Variants in RC3H2 observed in about 807,000 individuals in gnomAD.
RC3H2 encodes roquin-2.
In RC3H2, 31 loss-of-function variants were observed where a neutral mutation model predicts 133.3. The ratio of observed to expected loss-of-function variants is 0.23; its 90% CI spans 0.17 to 0.31. The LOEUF (loss-of-function observed/expected upper bound fraction) is 0.31. Among genes scored for constraint, RC3H2 ranks in the 10% least tolerant of loss-of-function variants. RC3H2 has a pLI of 1.00. For missense variants in RC3H2, 1,175 were observed against 1,437.2 expected (o/e 0.82, Z 2.95); for synonymous variants, 517 against 502.2 (o/e 1.03, Z -0.40).
chr9:122,859,152 C>A, intron 11 of RC3H2, 50 bp from the exon 12 acceptor site: 3 of 1,376,020 alleles, frequency 2.2e-6, no homozygotes, highest in East Asian at 5.7e-5. Flanking sequence ...TACAATCCAA[C>A]ATTTTATAAT....
At chr9:122,854,637 CAA>C in intron 15 of RC3H2, 22 bp from the exon 16 acceptor site, 2 of 1,546,552 alleles carry the variant, frequency 1.3e-6, no homozygotes. Flanking sequence ...TAGAATGAAA[CAA>C]TGGTCAAAAA....
chr9:122,870,403 AACAAACAAAC>A (rs772152294), intron 9 of RC3H2, among the ~76,000 whole-genome samples: 3 of 128,642 alleles, frequency 2.3e-5, no homozygotes, highest in Non-Finnish European at 4.9e-5. Context: ...CAAACAAACA[AACAAACAAAC>A]AAAAAAAAAA....
chr9:122,905,012 G>A, intron 1 of RC3H2, 98 bp downstream of exon 1: 2 of 858,620 alleles, frequency 2.3e-6, no homozygotes, highest in Non-Finnish European at 2.8e-6. Flanking sequence ...GGGCGACAGC[G>A]CACAGGCCCC....
At chr9:122,885,570 A>T (rs1435767641) in intron 4 of RC3H2, among the ~76,000 whole-genome samples, 1 of 152,238 alleles carries the variant, frequency 6.6e-6, no homozygotes, top group East Asian at 1.9e-4. Flanking sequence ...CTTTTGCACC[A>T]ATCTAATAGA....
intron 4 of RC3H2, among the ~76,000 whole-genome samples, chr9:122,887,883 A>AT (rs1234520712): frequency 6.6e-6 from 1 of 151,484 alleles, no homozygotes; most frequent in African/African-American, 2.4e-5. Context: ...AGCTGAGATT[A>AT]TAGGTGCCTG....
intron 18 of RC3H2, among the ~76,000 whole-genome samples, chr9:122,852,532 T>G (rs1462597906): frequency 8.9e-6 from 1 of 112,636 alleles, no homozygotes; most frequent in Non-Finnish European, 1.8e-5. Context: ...GGGAGGGAGG[T>G]GGGGGGGTCA....
chr9:122,902,236 T>C (rs951645993), intron 1 of RC3H2, among the ~76,000 whole-genome samples: 1 of 152,138 alleles, frequency 6.6e-6, no homozygotes, highest in African/African-American at 2.4e-5. Context: ...CAGCCAACTT[T>C]CTATTTTAAC....
intron 1 of RC3H2, among the ~76,000 whole-genome samples, chr9:122,904,602 A>G (rs949287413): frequency 2.6e-5 from 4 of 152,192 alleles, no homozygotes; most frequent in Non-Finnish European, 2.9e-5. Context: ...GCAACCACTC[A>G]GGTCCGGCCG....
At chr9:122,880,366 A>T (rs1452456932) in intron 6 of RC3H2, 1 of 735,586 alleles carries the variant, frequency 1.4e-6, no homozygotes, top group South Asian at 1.5e-5. Context: ...TAAATTTGAG[A>T]CTTTGTAAGC....
In RC3H2 at chr9:122,893,138, T is replaced by C; in HGVS notation, c.232-112A>G. 6 of 1,339,816 alleles carry C rather than the reference T, an allele frequency of 4.5e-6. No homozygotes were observed. In the South Asian group the frequency reaches 8.2e-5, roughly 18 times the overall value. 83.0% of individuals were successfully genotyped at this position (1,339,816 alleles called of 1,614,324 possible). ...TGAGTATAAAATTATCATGCATAGA[T>C]AATACATGAAAGCCATTTAAGTAAA... On this transcript the variant is annotated intron_variant, in intron 2 of 20. Coordinates refer to ENST00000357244, the MANE Select transcript of RC3H2 (RefSeq NM_001100588.3).
intron 4 of RC3H2, among the ~76,000 whole-genome samples, chr9:122,888,804 G>A (rs111436987): frequency 4.6e-5 from 7 of 152,244 alleles, no homozygotes; most frequent in African/African-American, 1.7e-4. Flanking sequence ...TATGCATTCT[G>A]TACCTTCTGT....
Position 122,858,784 on chromosome 9 carries a change from A to T in RC3H2, c.2168T>A (p.Met723Lys), listed in dbSNP as rs1335156071. The T allele has an allele frequency of 6.2e-7, 1 of 1,614,162 alleles. No homozygotes were observed. Among genetic ancestry groups the T allele is most frequent in the African/African-American group, 1.3e-5 (1 of 74,960 alleles). ...RSNSLPPMDVMHSSVYQTSLR... is the reference protein window; with the variant it reads ...RSNSLPPMDVKHSSVYQTSLR... Reference sequence around the variant, plus strand: ...AGATGTCTGATAGACAGATGAGTGCATCACATCCATTGGAGGTAAAGAATT... The same window carrying T: ...AGATGTCTGATAGACAGATGAGTGCTTCACATCCATTGGAGGTAAAGAATT... Residue 723 changes from methionine (M) to lysine (K), a missense_variant, in exon 12 of 21, where the codon ATG becomes AAG. By Grantham distance (95) the Met-to-Lys change is moderately conservative (BLOSUM62 -1). Transcript: ENST00000357244.
intron 18 of RC3H2, among the ~76,000 whole-genome samples, chr9:122,852,999 A>T (rs1308818725): frequency 1.3e-5 from 2 of 152,216 alleles, no homozygotes; most frequent in Non-Finnish European, 2.9e-5. Flanking sequence ...GTGTAGAAAG[A>T]AGTAGACATG....
chr9:122,890,687 GTC>G (rs879440909), intron 3 of RC3H2, 142 bp from the exon 4 acceptor site: 15 of 642,618 alleles, frequency 2.3e-5, no homozygotes, highest in Non-Finnish European at 3.7e-5. Flanking sequence ...ACAGTATTCT[GTC>G]TCTGTTTGTT....
chr9:122,850,437 T>C (rs1334795755), intron 20 of RC3H2, among the ~76,000 whole-genome samples: 1 of 151,542 alleles, frequency 6.6e-6, no homozygotes, highest in African/African-American at 2.4e-5. Context: ...TATCTATCTA[T>C]AGATAGATAG....
intron 2 of RC3H2, among the ~76,000 whole-genome samples, chr9:122,895,752 T>C (rs927219693): frequency 6.6e-6 from 1 of 152,192 alleles, no homozygotes; most frequent in African/African-American, 2.4e-5. Flanking sequence ...AATAATTCCT[T>C]TCTGGCTTTA....
chr9:122,863,204 CAAT>C lies in RC3H2; in HGVS notation c.1634+2142_1634+2144del, dbSNP rs1830523528. ...TGTATCTGGCTTCTTTCATTTAGCA[CAAT>C]GTTTAAAGGTTCATCCATATTGTAG... On this transcript the variant is annotated intron_variant, in intron 10 of 20. Transcript: ENST00000357244. Among the ~76,000 whole-genome samples, 4 of 152,254 alleles carry C rather than the reference CAAT, an allele frequency of 2.6e-5. No individual in the cohort carries two copies. The South Asian group carries it at 8.3e-4, about 32-fold the overall frequency.
rs1218110525 is a variant in RC3H2, at chr9:122,851,481, C to T, written c.3118-45G>A. 5.0e-6 allele frequency: 8 copies of T among 1,585,818 alleles called. No individual in the cohort carries two copies. In the African/African-American group the frequency reaches 1.1e-4, roughly 21 times the overall value. On this transcript the variant is annotated intron_variant, in intron 18 of 20. Coordinates refer to ENST00000357244, the MANE Select transcript of RC3H2 (RefSeq NM_001100588.3). ...TGCTCTCCCTCTCCCTCTCCCTCTC[C>T]CCATGGTCTCCCTCTCCCCATGGTC...
chr9:122,863,917 A>G (rs1224175939), intron 10 of RC3H2, among the ~76,000 whole-genome samples: 1 of 152,160 alleles, frequency 6.6e-6, no homozygotes, highest in Non-Finnish European at 1.5e-5. Flanking sequence ...TTGTATTTTT[A>G]GTAGAGACGG....
Sources: allele counts gnomAD v4.1 joint callset (sites outside exome capture counted in the v4.1 genomes callset), GRCh38; gene constraint gnomAD v4.1.1; transcripts MANE v1.5; gene names NCBI Gene and HGNC (gene_info 2026-07-23, HGNC 2026-07-21).